The following TRABD2A variants were observed in gnomAD, a reference collection of about 807,000 sequenced individuals.
TRABD2A encodes the protein metalloprotease TIKI1.
In TRABD2A, 43 loss-of-function variants were observed where a neutral mutation model predicts 45.6. That is an observed-to-expected ratio of 0.94 (90% confidence interval 0.74 to 1.22). The LOEUF is 1.22. TRABD2A is among the 50% of genes most tolerant of loss of function. The pLI is 0.00. For missense variants in TRABD2A, 642 were observed against 652.4 expected (o/e 0.98, Z 0.17); for synonymous variants, 269 against 265.0 (o/e 1.02, Z -0.15).
chr2:84,853,708 C>A (rs1045878610), intron 2 of TRABD2A, among the ~76,000 whole-genome samples: 3 of 152,236 alleles, frequency 2.0e-5, no homozygotes, highest in Non-Finnish European at 4.4e-5. Context: ...TCAGAGAGAA[C>A]ACTGACTGGC....
intron 2 of TRABD2A, among the ~76,000 whole-genome samples, chr2:84,869,635 G>A (rs920624608): frequency 6.6e-5 from 10 of 152,168 alleles, no homozygotes; most frequent in South Asian, 2.1e-4. Context: ...TGTCCACAAC[G>A]TCTCAAAGCA....
intron 2 of TRABD2A, among the ~76,000 whole-genome samples, chr2:84,846,625 T>C (rs1681907085): frequency 6.6e-6 from 1 of 152,216 alleles, no homozygotes; most frequent in African/African-American, 2.4e-5. Context: ...GGCTCCATGA[T>C]GAGCCTCAAA....
chr2:84,873,837 A>G (rs1443750065), intron 1 of TRABD2A, among the ~76,000 whole-genome samples: 1 of 152,198 alleles, frequency 6.6e-6, no homozygotes, highest in African/African-American at 2.4e-5. Flanking sequence ...CCACTGACCT[A>G]TATAAGAGAT....
intron 1 of TRABD2A, among the ~76,000 whole-genome samples, chr2:84,877,163 A>C (rs1049166028): frequency 5.9e-5 from 9 of 152,118 alleles, no homozygotes; most frequent in African/African-American, 2.2e-4. Flanking sequence ...GGCTGAAAGA[A>C]GAGTCTTCAG....
chr2:84,826,436 T>C (rs188566695), intron 5 of TRABD2A, among the ~76,000 whole-genome samples: 2 of 152,336 alleles, frequency 1.3e-5, no homozygotes, highest in African/African-American at 4.8e-5. Flanking sequence ...TAAGGAGTCC[T>C]GAGGAATCAT....
chr2:84,828,308 G>T (rs1403081499), intron 5 of TRABD2A, among the ~76,000 whole-genome samples: 1 of 152,132 alleles, frequency 6.6e-6, no homozygotes, highest in Non-Finnish European at 1.5e-5. Context: ...AGCTGGCAGG[G>T]CCTTAAGTAA....
chr2:84,870,133 C>T (rs568244596), intron 2 of TRABD2A, 92 bp downstream of exon 2: 4 of 1,268,726 alleles, frequency 3.2e-6, no homozygotes, highest in African/African-American at 3.0e-5. Context: ...TCTAGACAAG[C>T]TGTGCCCGTG....
At position 84,826,739 on chromosome 2, in the gene TRABD2A, G is replaced by T. The variant is rs565931665; in HGVS notation, c.1083-2535C>A. Among the ~76,000 whole-genome samples, 787 of 152,286 alleles carry T rather than the reference G, an allele frequency of 5.2e-3. 6 individuals are homozygous for T. Among genetic ancestry groups the T allele is most frequent in the African/African-American group, 0.018 (747 of 41,550 alleles). ...AGTAGAGACGAGGTTTCACCATCTT[G>T]GCCAGGCTGGTCTTGAGCTCCTGAC... On this transcript the variant is annotated intron_variant, in intron 5 of 6. Coordinates refer to ENST00000409520, the MANE Select transcript of TRABD2A (RefSeq NM_001277053.2).
chr2:84,848,328 TGATAGATAGATAGATAGATAGATA>T (rs58667309), intron 2 of TRABD2A, among the ~76,000 whole-genome samples: 1 of 126,888 alleles, frequency 7.9e-6, no homozygotes, highest in African/African-American at 2.9e-5. Flanking sequence ...CACATAAAAA[TGATAGATAGATAGATAGATAGATA>T]GATAGATAGA....
rs146460499 is a variant in TRABD2A at position 84,832,372 on chromosome 2, C to T, written c.992-227G>A. The T allele has an allele frequency of 2.0e-4, 108 of 545,310 alleles. 1 individual carries two copies. The highest frequency in any genetic ancestry group is 1.8e-3 in the African/African-American group (98 of 53,242). The allele number at this position is 545,310 out of a possible 1,614,324, so 33.8% of individuals were successfully genotyped here. A position where few individuals can be genotyped will look rare whatever the true frequency, so the allele number is the denominator to read the frequency against. ...GAGACAATGACACTGAAGATCAGAACAATGCAGCAAGTTACCTGAAGTCAC... is the reference window on the plus strand; with the variant it reads ...GAGACAATGACACTGAAGATCAGAATAATGCAGCAAGTTACCTGAAGTCAC... On this transcript the variant is annotated intron_variant, in intron 4 of 6. Transcript: ENST00000409520.
At position 84,858,715 on chromosome 2, in the gene TRABD2A, C is replaced by G. The variant is rs549391930; in HGVS notation, c.669+11510G>C. Among the ~76,000 whole-genome samples, 5 of 152,282 alleles carry G rather than the reference C, an allele frequency of 3.3e-5. 1 individual carries two copies. The East Asian group carries it at 9.7e-4, about 29-fold the overall frequency. On this transcript the variant is annotated intron_variant, in intron 2 of 6. Transcript: ENST00000409520. ...ATATGAGGCTCCCTGAAGTTCAGGA[C>G]TGGTTTGGAGAGAAGCTACAAAGCT...
chr2:84,853,095 T>A (rs1408508355), intron 2 of TRABD2A, among the ~76,000 whole-genome samples: 1 of 151,914 alleles, frequency 6.6e-6, no homozygotes, highest in East Asian at 1.9e-4. Context: ...TAAGTTAAGA[T>A]CATTAGGGTG....
Position 84,828,242 on chromosome 2 carries a change from C to T in TRABD2A, c.1082+3813G>A, listed in dbSNP as rs1015407431. On this transcript the variant is annotated intron_variant, in intron 5 of 6. Coordinates refer to ENST00000409520, the MANE Select transcript of TRABD2A (RefSeq NM_001277053.2). ...AGCTGCTAGTTGCCCTCCCCACACA[C>T]CAACATGCACACCCATCTCTGTCTC... 5.9e-5 allele frequency among the ~76,000 whole-genome samples: 9 copies of T among 152,278 alleles called. No individual in the cohort carries two copies. The East Asian group carries it at 1.5e-3, about 26-fold the overall frequency.
intron 2 of TRABD2A, among the ~76,000 whole-genome samples, chr2:84,847,337 G>A (rs911066109): frequency 6.6e-6 from 1 of 152,226 alleles, no homozygotes; most frequent in South Asian, 2.1e-4. Context: ...TGTGCTTGGA[G>A]AAGTCTGAAC....
intron 5 of TRABD2A, among the ~76,000 whole-genome samples, chr2:84,826,678 C>T (rs996653634): frequency 5.9e-5 from 9 of 152,170 alleles, no homozygotes; most frequent in Non-Finnish European, 1.0e-4. Context: ...ATTACAGGCA[C>T]ATGCCACCAC....
chr2:84,864,669 C>T lies in TRABD2A; in HGVS notation c.669+5556G>A, dbSNP rs1028396533. ...ATCCCCAGTGACCTCTGCTGGCTGA[C>T]CCCCCACAATCTTGCCTTGGCCTCT... On this transcript the variant is annotated intron_variant, in intron 2 of 6. Transcript: ENST00000409520. Among the ~76,000 whole-genome samples the T allele has an allele frequency of 5.3e-5, 8 of 152,166 alleles. No homozygotes were observed. The East Asian group carries it at 1.3e-3, about 26-fold the overall frequency.
At chr2:84,823,484 C>T (rs1303739757) in intron 6 of TRABD2A, among the ~76,000 whole-genome samples, 2 of 152,134 alleles carry the variant, frequency 1.3e-5, no homozygotes, top group East Asian at 1.9e-4. Context: ...GACTCAGGCT[C>T]GCCTATCCAC....
intron 2 of TRABD2A, among the ~76,000 whole-genome samples, chr2:84,855,722 G>A (rs1306272591): frequency 6.6e-6 from 1 of 151,636 alleles, no homozygotes; most frequent in Non-Finnish European, 1.5e-5. Flanking sequence ...GGAAAGAATC[G>A]ATTAAGCTCC....
chr2:84,878,860 C>T (rs950595169), intron 1 of TRABD2A, among the ~76,000 whole-genome samples: 2 of 152,152 alleles, frequency 1.3e-5, no homozygotes, highest in African/African-American at 2.4e-5. Flanking sequence ...GCATGTGTGC[C>T]GCTGATTGGC....
Sources: gnomAD v4.1 joint callset for allele counts (sites outside exome capture counted in the v4.1 genomes callset) on GRCh38, gnomAD v4.1.1 for gene constraint, MANE v1.5 for transcripts, NCBI Gene and HGNC (gene_info 2026-07-23, HGNC 2026-07-21) for gene names.